The following TENM3 variants were observed in gnomAD, a reference collection of about 807,000 sequenced individuals.
The protein encoded by TENM3 is teneurin transmembrane protein 3.
A neutral mutation model predicts 255.1 loss-of-function variants in TENM3; 63 were observed. The observed-to-expected ratio is 0.25, with a 90% confidence interval of 0.20 to 0.30. The LOEUF is 0.30. Among genes scored for constraint, TENM3 ranks in the 10% least tolerant of loss-of-function variants. The pLI, the probability that TENM3 is intolerant of heterozygous loss-of-function variation, is 1.00. For missense variants in TENM3, 2,929 were observed against 3,461.1 expected (o/e 0.85, Z 3.86); for synonymous variants, 1,306 against 1,322.3 (o/e 0.99, Z 0.27).
At chr4:182,471,316 A>G (rs146541213) in intron 3 of TENM3, among the ~76,000 whole-genome samples, 18 of 152,342 alleles carry the variant, frequency 1.2e-4, no homozygotes, top group African/African-American at 4.1e-4. Context: ...GCCTAAAGAC[A>G]TGGATGCAGT....
intron 3 of TENM3, among the ~76,000 whole-genome samples, chr4:182,417,994 GA>G (rs199574569): frequency 6.6e-6 from 1 of 151,894 alleles, no homozygotes; most frequent in Non-Finnish European, 1.5e-5. Context: ...CCCTAATTTT[GA>G]AAAAAATTCT....
intron 3 of TENM3, among the ~76,000 whole-genome samples, chr4:182,509,232 C>G (rs189547342): frequency 2.0e-5 from 3 of 152,206 alleles, no homozygotes; most frequent in Non-Finnish European, 4.4e-5. Flanking sequence ...GCCTGAGACA[C>G]AGATGGTCAC....
At chr4:181,665,387 G>C in the TENM3 span, among the ~76,000 whole-genome samples, 1 of 151,952 alleles carries the variant, frequency 6.6e-6, no homozygotes, top group African/African-American at 2.4e-5. Flanking sequence ...CCATTCCTTA[G>C]GAGAAATATT....
At chr4:182,719,055 G>T (rs1312113856) in intron 13 of TENM3, among the ~76,000 whole-genome samples, 1 of 151,888 alleles carries the variant, frequency 6.6e-6, no homozygotes, top group Non-Finnish European at 1.5e-5. Flanking sequence ...TCCCTGTCTG[G>T]TCCTCCAGTG....
intron 2 of TENM3, among the ~76,000 whole-genome samples, chr4:182,339,405 G>A (rs1764338128): frequency 6.6e-6 from 1 of 152,138 alleles, no homozygotes; most frequent in African/African-American, 2.4e-5. Flanking sequence ...CATGTTAATG[G>A]TTTTCCTCTT....
At chr4:182,556,713 G>A (rs185773858) in intron 3 of TENM3, among the ~76,000 whole-genome samples, 4 of 152,204 alleles carry the variant, frequency 2.6e-5, no homozygotes, top group African/African-American at 7.2e-5. Context: ...GGGCACCCAC[G>A]TTGCATTATA....
chr4:181,884,610 C>T, the TENM3 span, among the ~76,000 whole-genome samples: 5 of 152,162 alleles, frequency 3.3e-5, no homozygotes, highest in East Asian at 1.9e-4. Context: ...CAGGTTCATC[C>T]GTGTTGTAGC....
At chr4:181,850,849 G>C in the TENM3 span, among the ~76,000 whole-genome samples, 1 of 152,054 alleles carries the variant, frequency 6.6e-6, no homozygotes, top group African/African-American at 2.4e-5. Flanking sequence ...TCTTAAAATA[G>C]TTAAGTATAT....
intron 13 of TENM3, among the ~76,000 whole-genome samples, chr4:182,722,085 T>C (rs1333011975): frequency 6.6e-6 from 1 of 152,208 alleles, no homozygotes; most frequent in Non-Finnish European, 1.5e-5. Flanking sequence ...ATCTTTTTAG[T>C]CGTGACTTCT....
intron 8 of TENM3, 86 bp from the exon 9 acceptor site, chr4:182,680,162 G>A (rs1425962881): frequency 8.2e-6 from 8 of 978,714 alleles, no homozygotes; most frequent in Non-Finnish European, 1.3e-5. Context: ...AAATTATCTA[G>A]CATAAATGAA....
At chr4:181,956,691 G>A in the TENM3 span, among the ~76,000 whole-genome samples, 3 of 152,186 alleles carry the variant, frequency 2.0e-5, no homozygotes, top group Non-Finnish European at 4.4e-5. Context: ...GGCATTCTTC[G>A]GATTCCCAAG....
the TENM3 span, among the ~76,000 whole-genome samples, chr4:181,547,891 G>GT: frequency 6.6e-6 from 1 of 151,882 alleles, no homozygotes; most frequent in African/African-American, 2.4e-5. Flanking sequence ...CATGTGCCAT[G>GT]TTGGTGTGCT....
At chr4:181,472,511 C>T in the TENM3 span, among the ~76,000 whole-genome samples, 1 of 152,018 alleles carries the variant, frequency 6.6e-6, no homozygotes, top group Non-Finnish European at 1.5e-5. Context: ...CCTCTTTGGA[C>T]AAAGAGGCCA....
the TENM3 span, among the ~76,000 whole-genome samples, chr4:181,736,914 A>C: frequency 6.6e-6 from 1 of 152,042 alleles, no homozygotes; most frequent in Admixed American, 6.6e-5. Flanking sequence ...TGCTAGGAGG[A>C]GAAGCCAGGA....
intron 12 of TENM3, among the ~76,000 whole-genome samples, chr4:182,695,950 G>A (rs1420201678): frequency 6.6e-6 from 1 of 152,166 alleles, no homozygotes; most frequent in Non-Finnish European, 1.5e-5. Flanking sequence ...CAGATACTGA[G>A]TTCAACAGTG....
intron 1 of TENM3, among the ~76,000 whole-genome samples, chr4:182,148,672 A>G (rs893948252): frequency 1.3e-5 from 2 of 152,060 alleles, no homozygotes; most frequent in African/African-American, 4.8e-5. Flanking sequence ...TTTATTTCAT[A>G]AGATGGTGTA....
the TENM3 span, among the ~76,000 whole-genome samples, chr4:181,902,464 C>T: frequency 6.6e-6 from 1 of 152,162 alleles, no homozygotes; most frequent in Non-Finnish European, 1.5e-5. Flanking sequence ...TATAAAGACA[C>T]ATGCACGCGT....
At chr4:182,096,790 C>T in the TENM3 span, among the ~76,000 whole-genome samples, 1 of 152,142 alleles carries the variant, frequency 6.6e-6, no homozygotes, top group Admixed American at 6.5e-5. Context: ...ACATGTTGAA[C>T]TGCACCAAGA....
chr4:181,725,893 A>G, the TENM3 span, among the ~76,000 whole-genome samples: 1 of 152,170 alleles, frequency 6.6e-6, no homozygotes, highest in African/African-American at 2.4e-5. Flanking sequence ...TTTAGTAACG[A>G]CACTTTAGGG....
Sources: allele counts gnomAD v4.1 joint callset (sites outside exome capture counted in the v4.1 genomes callset), GRCh38; gene constraint gnomAD v4.1.1; transcripts MANE v1.5; gene names NCBI Gene and HGNC (gene_info 2026-07-23, HGNC 2026-07-21).